ASZ1: variants seen among roughly 807,000 people sequenced by gnomAD.
The protein encoded by ASZ1 is ankyrin repeat, SAM and basic leucine zipper domain containing 1, also known as ankyrin repeat, SAM and basic leucine zipper domain-containing protein 1.
ASZ1 carries 67 observed loss-of-function variants against 61.8 expected under a neutral mutation model. That is an observed-to-expected ratio of 1.08 (90% CI 0.89 to 1.33). The LOEUF (loss-of-function observed/expected upper bound fraction) is 1.33, where lower values mean the gene tolerates loss of function less well. ASZ1 is among the 40% of genes most tolerant of loss of function. The probability of loss-of-function intolerance (pLI) is 0.00; values close to 1 mark genes in which losing one functional copy is unlikely to be tolerated. For missense variants in ASZ1, 577 were observed against 554.5 expected, an observed-to-expected ratio of 1.04 and a Z score of -0.41; for synonymous variants, 193 against 192.7, an observed-to-expected ratio of 1.00 and a Z score of -0.01.
intron 4 of ASZ1, among the ~76,000 whole-genome samples, chr7:117,409,505 A>G (rs921916957): frequency 6.6e-6 from 1 of 151,920 alleles, no homozygotes; most frequent in Admixed American, 6.6e-5. Context: ...AGGGATAAAG[A>G]AAAATGAATT....
At chr7:117,424,814 C>G (rs1003626000) in intron 2 of ASZ1, among the ~76,000 whole-genome samples, 3 of 152,140 alleles carry the variant, frequency 2.0e-5, no homozygotes, top group African/African-American at 7.2e-5. Context: ...TTTTCAATTC[C>G]AAACTCAAGT....
At chr7:117,365,720 T>C (rs771727380) in intron 12 of ASZ1, among the ~76,000 whole-genome samples, 11 of 152,218 alleles carry the variant, frequency 7.2e-5, no homozygotes, top group Non-Finnish European at 1.2e-4. Context: ...ATATAATTTT[T>C]GGGTCATCAG....
chr7:117,383,930 G>GA (rs1796300697), intron 6 of ASZ1, among the ~76,000 whole-genome samples: 2 of 151,982 alleles, frequency 1.3e-5, no homozygotes, highest in Non-Finnish European at 2.9e-5. Flanking sequence ...ATAATATTTG[G>GA]AAAATGATAG....
At chr7:117,420,027 G>T in intron 4 of ASZ1, 136 bp downstream of exon 4, 1 of 562,014 alleles carries the variant, frequency 1.8e-6, no homozygotes, top group South Asian at 2.9e-5. Flanking sequence ...TTATAGAATT[G>T]GAACAATGAC....
chr7:117,426,488 CAAAAA>C (rs10625452), intron 2 of ASZ1, among the ~76,000 whole-genome samples: 22 of 34,024 alleles, frequency 6.5e-4, no homozygotes, highest in East Asian at 3.8e-3. Flanking sequence ...GATAACATCT[CAAAAA>C]AAAAAAAAAA....
Position 117,427,455 on chromosome 7 carries a change from C to T in ASZ1, c.6G>A (p.Ala2=), listed in dbSNP as rs760281669. The part of the protein sequence containing the change: M[A]ASALRGLPVA... ...CTGGCAGGCCTCGCAGCGCGCTCGC[C>T]GCCATGCCAGCCAAGGAAGCTCCCT... The change falls in exon 1 of 13, where the codon GCG becomes GCA. Residue 2 remains alanine, a synonymous_variant. Coordinates refer to ENST00000284629, the MANE Select transcript of ASZ1 (RefSeq NM_130768.3). 1.2e-6 allele frequency: 2 copies of T among 1,613,840 alleles called. No homozygotes were observed. The highest frequency in any genetic ancestry group is 8.5e-7 in the Non-Finnish European group (1 of 1,179,866).
chr7:117,374,156 G>T (rs572507907), intron 10 of ASZ1, among the ~76,000 whole-genome samples: 1 of 152,164 alleles, frequency 6.6e-6, no homozygotes, highest in Non-Finnish European at 1.5e-5. Flanking sequence ...ATCTAATAAA[G>T]ATTTTAAGAA....
chr7:117,388,891 C>T (rs1430930969), intron 4 of ASZ1, among the ~76,000 whole-genome samples: 1 of 152,072 alleles, frequency 6.6e-6, no homozygotes, highest in Non-Finnish European at 1.5e-5. Flanking sequence ...ACCTGATGGA[C>T]TCCACAAAAA....
chr7:117,397,142 G>A (rs1796591184), intron 4 of ASZ1, among the ~76,000 whole-genome samples: 1 of 152,108 alleles, frequency 6.6e-6, no homozygotes, highest in Non-Finnish European at 1.5e-5. Context: ...TTGGGATGCT[G>A]AGGCAGGAGT....
At chr7:117,401,340 A>C (rs1796675919) in intron 4 of ASZ1, among the ~76,000 whole-genome samples, 1 of 152,082 alleles carries the variant, frequency 6.6e-6, no homozygotes, top group Non-Finnish European at 1.5e-5. Context: ...TGTGGGACAA[A>C]AACAAAACCC....
chr7:117,384,276 G>A (rs1316251289), intron 6 of ASZ1, among the ~76,000 whole-genome samples: 1 of 152,006 alleles, frequency 6.6e-6, no homozygotes, highest in Non-Finnish European at 1.5e-5. Context: ...TTTATCGTAA[G>A]CCCTGTCACA....
At chr7:117,386,043 T>C (rs974936446) in intron 4 of ASZ1, among the ~76,000 whole-genome samples, 8 of 152,178 alleles carry the variant, frequency 5.3e-5, no homozygotes, top group African/African-American at 1.9e-4. Flanking sequence ...TGAATAAATG[T>C]ATTAAAAATA....
rs150303943 is a variant in ASZ1 at position 117,411,562 on chromosome 7, C to T, written c.440+8601G>A. Reference sequence around the variant, plus strand: ...AAAGTGGAAAAAACTTTTTGGAGGACAGTTTGGATATAACTTGCAAGATTT... The same window carrying T: ...AAAGTGGAAAAAACTTTTTGGAGGATAGTTTGGATATAACTTGCAAGATTT... On this transcript the variant is annotated intron_variant, in intron 4 of 12. Transcript: ENST00000284629. Among the ~76,000 whole-genome samples the T allele has an allele frequency of 2.0e-3, 300 of 151,864 alleles. 1 individual carries two copies. Among genetic ancestry groups the T allele is most frequent in the African/African-American group, 6.9e-3 (288 of 41,520 alleles).
At chr7:117,381,334 G>T (rs1179303655) in intron 8 of ASZ1, among the ~76,000 whole-genome samples, 1 of 151,946 alleles carries the variant, frequency 6.6e-6, no homozygotes, top group African/African-American at 2.4e-5. Context: ...TAAAAGAAAA[G>T]CAGTTCTATA....
chr7:117,366,965 T>C (rs966111741), intron 12 of ASZ1, among the ~76,000 whole-genome samples: 3 of 152,192 alleles, frequency 2.0e-5, no homozygotes, highest in African/African-American at 4.8e-5. Context: ...AGAATACTTA[T>C]GGTACATATA....
chr7:117,420,064 TA>T, intron 4 of ASZ1, 98 bp downstream of exon 4: 1 of 756,332 alleles, frequency 1.3e-6, no homozygotes. Flanking sequence ...ATTCATCAAC[TA>T]TTTGGCCAAG....
At chr7:117,385,406 C>T (rs1456675778) in intron 5 of ASZ1, among the ~76,000 whole-genome samples, 3 of 151,838 alleles carry the variant, frequency 2.0e-5, no homozygotes, top group Admixed American at 2.0e-4. Flanking sequence ...ATTAAAGGCA[C>T]GTGCCACCAT....
chr7:117,374,273 A>C (rs550128241), intron 10 of ASZ1, among the ~76,000 whole-genome samples: 1 of 152,236 alleles, frequency 6.6e-6, no homozygotes, highest in East Asian at 1.9e-4. Flanking sequence ...TTACAATATT[A>C]GTTTTAGTCT....
rs543194979 is a variant in ASZ1, at chr7:117,403,117, C to A, written c.440+17046G>T. Among the ~76,000 whole-genome samples, 132 of 152,172 alleles carry A rather than the reference C, an allele frequency of 8.7e-4. 2 individuals carry two copies. The South Asian group carries it at 0.022, about 25-fold the overall frequency. ...TGGTAAAGGTCCGTTGTTCTCCTTTCTAGGTGAATGTAAATTGGTCTTGTC... is the reference window on the plus strand; with the variant it reads ...TGGTAAAGGTCCGTTGTTCTCCTTTATAGGTGAATGTAAATTGGTCTTGTC... On this transcript the variant is annotated intron_variant, in intron 4 of 12. Transcript: ENST00000284629.
Sources: allele counts gnomAD v4.1 joint callset (sites outside exome capture counted in the v4.1 genomes callset), GRCh38; gene constraint gnomAD v4.1.1; transcripts MANE v1.5; gene names NCBI Gene and HGNC (gene_info 2026-07-23, HGNC 2026-07-21).